The following BRD2 variants were observed in gnomAD, a reference collection of about 807,000 sequenced individuals.
BRD2 encodes bromodomain-containing protein 2.
In BRD2, 15 loss-of-function variants were observed where a neutral mutation model predicts 79.1. The observed-to-expected ratio is 0.19, with a 90% CI of 0.13 to 0.29. The LOEUF (loss-of-function observed/expected upper bound fraction) is 0.29, where lower values mean the gene tolerates loss of function less well. Ranked by LOEUF, BRD2 falls within the 10% of genes least tolerant of loss-of-function variation. BRD2 has a pLI of 1.00. For synonymous variants in BRD2, 488 were observed against 358.6 expected, an observed-to-expected ratio of 1.36 and a Z score of -4.08; for missense variants, 1,053 against 991.3, an observed-to-expected ratio of 1.06 and a Z score of -0.84.
intron 9 of BRD2, 34 bp downstream of exon 9, chr6:32,978,039 AAG>A (rs1561951966): frequency 1.2e-6 from 2 of 1,605,106 alleles, no homozygotes; most frequent in East Asian, 2.2e-5. Context: ...TTTATTGGGT[AAG>A]AGGTTCATGC....
Position 32,972,435 on chromosome 6 carries a change from C to A in BRD2, c.-464C>A, listed in dbSNP as rs756950795. 6 of 296,080 alleles carry A rather than the reference C, an allele frequency of 2.0e-5. No homozygotes were observed. Among genetic ancestry groups the A allele is most frequent in the Non-Finnish European group, 6.5e-6 (1 of 153,870 alleles). 18.3% of individuals were successfully genotyped at this position (296,080 alleles called of 1,614,324 possible). ...CGGAGTCTGTCCACCCCCTCTACTCCGCCCTCAAGAGGATTTCAAAGATGG... is the reference window on the plus strand; with the variant it reads ...CGGAGTCTGTCCACCCCCTCTACTCAGCCCTCAAGAGGATTTCAAAGATGG... On this transcript the variant is annotated 5_prime_UTR_variant, in exon 2 of 13. Coordinates refer to ENST00000374825, the MANE Select transcript of BRD2 (RefSeq NM_005104.4).
At chr6:32,969,929 G>C (rs907822898) in intron 1 of BRD2, among the ~76,000 whole-genome samples, 4 of 152,216 alleles carry the variant, frequency 2.6e-5, no homozygotes, top group Non-Finnish European at 5.9e-5. Context: ...TACTGCGGGG[G>C]AGGGAACGGA....
At position 32,972,064 on chromosome 6, in the gene BRD2, C is replaced by A. The variant is rs777890525; in HGVS notation, c.-835C>A. On this transcript the variant is annotated 5_prime_UTR_variant, in exon 2 of 13. Coordinates refer to ENST00000374825, the MANE Select transcript of BRD2 (RefSeq NM_005104.4). ...GAGAGGTGTTCCTTCCCCTTCGACT[C>A]AGCTTCTTCACCCGCGTGAGCGAGC... 2 of 699,292 alleles carry A rather than the reference C, an allele frequency of 2.9e-6. No homozygotes were observed. The highest frequency in any genetic ancestry group is 2.6e-6 in the Non-Finnish European group (1 of 383,496). 43.3% of individuals were successfully genotyped at this position (699,292 alleles called of 1,614,324 possible).
Position 32,974,449 on chromosome 6 carries a change from C to A in BRD2, c.30-13C>A. 6.2e-7 allele frequency: 1 copy of A among 1,600,790 alleles called. No homozygotes were observed. Among genetic ancestry groups the A allele is most frequent in the East Asian group, 2.2e-5 (1 of 44,578 alleles). ...TGGACGATATTGCCCTAATTTTGTT[C>A]CCATCTTTACAGGCTCCCTGGGGAA... is the stretch of plus-strand genomic sequence containing the variant. On this transcript the variant is annotated splice_polypyrimidine_tract_variant and intron_variant, in intron 2 of 12. Transcript: ENST00000374825.
At position 32,980,424 on chromosome 6, in the gene BRD2, C is replaced by G. The variant is rs770122099; in HGVS notation, c.2229C>G (p.Val743=). Residue 743 remains valine, a synonymous_variant, in exon 12 of 13, where the codon GTC becomes GTG. Coordinates refer to ENST00000374825, the MANE Select transcript of BRD2 (RefSeq NM_005104.4). Reference sequence around the variant, plus strand: ...AATTAGAAAAGCGGTTACAAGATGTCAGCGGACAGCTCAATTCTACTAAAA... The same window carrying G: ...AATTAGAAAAGCGGTTACAAGATGTGAGCGGACAGCTCAATTCTACTAAAA... ...KRELEKRLQD[V]SGQLNSTKKP... is the part of the protein sequence containing the mutation. 2 of 1,613,098 alleles carry G rather than the reference C, an allele frequency of 1.2e-6. No individual in the cohort carries two copies. Among genetic ancestry groups the G allele is most frequent in the East Asian group, 4.5e-5 (2 of 44,894 alleles).
In BRD2 at chr6:32,976,248, A is replaced by G; in HGVS notation, c.611-2A>G. The G allele has an allele frequency of 6.2e-7, 1 of 1,610,572 alleles. No homozygotes were observed. The highest frequency in any genetic ancestry group is 8.5e-7 in the Non-Finnish European group (1 of 1,178,750). On this transcript the variant is annotated splice_acceptor_variant, in intron 5 of 12. Coordinates refer to ENST00000374825, the MANE Select transcript of BRD2 (RefSeq NM_005104.4). LOFTEE classifies it high-confidence loss of function. ...AAACTACACTTTTTTCCTTTTTTCTAGCGCTCCAGGGCAGTGTTACCAGTG... is the reference window on the plus strand; with the variant it reads ...AAACTACACTTTTTTCCTTTTTTCTGGCGCTCCAGGGCAGTGTTACCAGTG...
intron 2 of BRD2, chr6:32,973,266 G>A: frequency 1.9e-6 from 2 of 1,054,842 alleles, no homozygotes; most frequent in Non-Finnish European, 2.7e-6. Flanking sequence ...GCGGCGGTCT[G>A]TTAGCCTTTT....
chr6:32,973,111 C>A, intron 2 of BRD2, 184 bp downstream of exon 2: 1 of 1,556,408 alleles, frequency 6.4e-7, no homozygotes, highest in Non-Finnish European at 8.7e-7. Context: ...TCGGCTACTG[C>A]TCGTGGAGGG....
intron 7 of BRD2, 46 bp from the exon 8 acceptor site, chr6:32,977,396 T>TGA (rs1435528345): frequency 1.9e-6 from 3 of 1,612,938 alleles, no homozygotes; most frequent in Non-Finnish European, 2.5e-6. Flanking sequence ...CAGGGAAAGG[T>TGA]GAGTCTTCCT....
Position 32,980,938 on chromosome 6 carries a change from T to G in BRD2, c.*220T>G. On this transcript the variant is annotated 3_prime_UTR_variant, in exon 13 of 13. Transcript: ENST00000374825. ...TTGAATTCCCAGCCCCATTGGGGAG[T>G]GATCTCTTGGACACAGAGCCCCCAT... 1.7e-6 allele frequency: 1 copy of G among 599,372 alleles called. No individual in the cohort carries two copies. The highest frequency in any genetic ancestry group is 2.0e-5 in the South Asian group (1 of 50,476). 37.1% of individuals were successfully genotyped at this position (599,372 alleles called of 1,614,324 possible).
At chr6:32,975,806 G>A (rs1047883336) in intron 4 of BRD2, among the ~76,000 whole-genome samples, 1 of 151,550 alleles carries the variant, frequency 6.6e-6, no homozygotes, top group African/African-American at 2.4e-5. Flanking sequence ...CTGTTTTCTT[G>A]TCAGCTCTCA....
At chr6:32,976,969 G>A (rs11908) in intron 7 of BRD2, 33 bp downstream of exon 7, 547,037 of 1,573,522 alleles carry the variant, frequency 0.35, 98,723 homozygotes, top group Non-Finnish European at 0.36. Flanking sequence ...GGGATGCTCA[G>A]GCAGTGATGG....
At position 32,975,404 on chromosome 6, in the gene BRD2, A is replaced by G. The variant is rs879141735; in HGVS notation, c.354A>G (p.Lys118=). 1 of 1,608,154 alleles carries G rather than the reference A, an allele frequency of 6.2e-7. No homozygotes were observed. Among genetic ancestry groups the G allele is most frequent in the South Asian group, 1.1e-5 (1 of 90,684 alleles). The part of the protein sequence containing the change: ...LGLPDYHKII[K]QPMDMGTIKR... ...TTTAGGATTATCACAAAATTATAAA[A>G]CAGCCTATGGACATGGGTACTATTA... is the stretch of plus-strand genomic sequence containing the variant. Residue 118 remains lysine (K), a synonymous_variant, in exon 4 of 13, where the codon AAA becomes AAG. Transcript: ENST00000374825.
chr6:32,979,363 C>T (rs1220754136), intron 10 of BRD2, among the ~76,000 whole-genome samples: 1 of 152,100 alleles, frequency 6.6e-6, no homozygotes, highest in Non-Finnish European at 1.5e-5. Context: ...CAAATCTGAG[C>T]CACTGCAGCT....
Position 32,977,531 on chromosome 6 carries a change from C to T in BRD2, c.1290C>T (p.Pro430=). The T allele has an allele frequency of 1.9e-6, 3 of 1,614,062 alleles. No homozygotes were observed. The highest frequency in any genetic ancestry group is 1.1e-5 in the South Asian group (1 of 91,092). The change falls in exon 8 of 13, where the codon CCC becomes CCT. Residue 430 remains proline (P), a synonymous_variant. Transcript: ENST00000374825. ...LMFSNCYKYN[P]PDHDVVAMAR... is the part of the protein sequence containing the mutation. ...TCTCCAACTGCTATAAGTACAATCC[C>T]CCAGATCACGATGTTGTGGCAATGG...
chr6:32,974,971 G>A (rs909472518), intron 3 of BRD2: 1 of 1,467,266 alleles, frequency 6.8e-7, no homozygotes, highest in Non-Finnish European at 9.2e-7. Flanking sequence ...CTTTCCTTGT[G>A]CCCTCCATGT....
chr6:32,978,384 A>G lies in BRD2; in HGVS notation c.1837A>G (p.Thr613Ala). The G allele has an allele frequency of 6.2e-7, 1 of 1,611,994 alleles. No homozygotes were observed. The highest frequency in any genetic ancestry group is 8.5e-7 in the Non-Finnish European group (1 of 1,179,606). The change falls in exon 10 of 13, where the codon ACC becomes GCC. Residue 613 changes from threonine to alanine, a missense_variant. By Grantham distance (58) the Thr-to-Ala change is moderately conservative (BLOSUM62 0). Around this residue, in one of 5 missense-constraint regions of BRD2, gnomAD observed 454 missense variants for 430.5 expected, o/e 1.05. Transcript: ENST00000374825. ...CTTTGGACCTTCTGGAGGAAGTGGC[A>G]CCAAGTGAGTTAGAGTAGGAAGCAG... ...SGFGPSGGSG[T>A]KLPKKATKTA...
At position 32,968,856 on chromosome 6, in the gene BRD2, A is replaced by G. The variant is rs1445992206; in HGVS notation, c.-1505A>G. On this transcript the variant is annotated 5_prime_UTR_variant, in exon 1 of 13. Transcript: ENST00000374825. ...GCGGGCACGTGACCCCGGTCAGCCA[A>G]TCTGGGTGCTGCTGACGTGGCCGCG... 1 of 154,052 alleles carries G rather than the reference A, an allele frequency of 6.5e-6. No individual in the cohort carries two copies. Among genetic ancestry groups the G allele is most frequent in the Non-Finnish European group, 1.4e-5 (1 of 69,352 alleles). The allele number at this position is 154,052 out of a possible 1,614,324, so 9.5% of individuals were successfully genotyped here.
intron 7 of BRD2, 131 bp downstream of exon 7, chr6:32,977,067 G>A (rs1352153963): frequency 3.1e-6 from 4 of 1,296,566 alleles, no homozygotes; most frequent in Non-Finnish European, 1.0e-6. Context: ...AATAATAGTG[G>A]AACAGAAGGT....
Sources: allele counts gnomAD v4.1 joint callset (sites outside exome capture counted in the v4.1 genomes callset), GRCh38; gene constraint gnomAD v4.1.1; regional missense constraint gnomAD v4.1.1; transcripts MANE v1.5; gene names NCBI Gene and HGNC (gene_info 2026-07-23, HGNC 2026-07-21).